The following KPNA4 variants were observed in gnomAD, a reference collection of about 807,000 sequenced individuals.
The protein encoded by KPNA4 is importin subunit alpha-3.
In KPNA4, 13 loss-of-function variants were observed where a neutral mutation model predicts 71.3. The observed-to-expected ratio is 0.18, with a 90% CI of 0.12 to 0.29. The LOEUF (loss-of-function observed/expected upper bound fraction) is 0.29, where lower values mean the gene tolerates loss of function less well. Among genes scored for constraint, KPNA4 ranks in the 10% least tolerant of loss-of-function variants. The pLI is 1.00. For synonymous variants in KPNA4, 189 were observed against 195.2 expected (o/e 0.97, Z 0.26); for missense variants, 334 against 603.2 (o/e 0.55, Z 4.67).
In KPNA4 at chr3:160,502,176, T is replaced by G; in HGVS notation, c.1494A>C (p.Pro498=). The change falls in exon 17 of 17, where the codon CCA becomes CCC. Residue 498 remains proline, a synonymous_variant. Coordinates refer to ENST00000334256, the MANE Select transcript of KPNA4 (RefSeq NM_002268.5). ...CAAATGTTCCGCCTTGAATTGCCTC[T>G]GGAACAAGGCTAGGGTCTTCATCAA... ...DDIDEDPSLV[P]EAIQGGTFGF... 6.3e-7 allele frequency: 1 copy of G among 1,594,830 alleles called. No individual in the cohort carries two copies. The highest frequency in any genetic ancestry group is 1.1e-5 in the South Asian group (1 of 88,830).
intron 1 of KPNA4, among the ~76,000 whole-genome samples, chr3:160,545,922 G>A (rs543881709): frequency 1.2e-4 from 18 of 152,256 alleles, no homozygotes; most frequent in Admixed American, 3.9e-4. Flanking sequence ...CTGAAGGATG[G>A]AACTGCCATT....
intron 1 of KPNA4, among the ~76,000 whole-genome samples, chr3:160,545,994 T>C (rs1721897744): frequency 6.6e-6 from 1 of 152,176 alleles, no homozygotes; most frequent in Admixed American, 6.5e-5. Context: ...CTTTTAGATC[T>C]AAGTTTAAGG....
At position 160,527,404 on chromosome 3, in the gene KPNA4, G is replaced by T. The variant is rs535714375; in HGVS notation, c.556+549C>A. Reference sequence around the variant, plus strand: ...AATCACAGTGTTAAATATTTAACCAGACTGTCAAAAGGCTATGGTTATGTC... The same window carrying T: ...AATCACAGTGTTAAATATTTAACCATACTGTCAAAAGGCTATGGTTATGTC... On this transcript the variant is annotated intron_variant, in intron 8 of 16. Transcript: ENST00000334256. Among the ~76,000 whole-genome samples, 5 of 152,242 alleles carry T rather than the reference G, an allele frequency of 3.3e-5. No homozygotes were observed. The East Asian group carries it at 7.7e-4, about 23-fold the overall frequency.
Position 160,498,121 on chromosome 3 carries a change from G to C in KPNA4, c.*3983C>G, listed in dbSNP as rs933530891. The C allele has an allele frequency of 6.6e-6, 1 of 152,156 alleles. No homozygotes were observed. Among genetic ancestry groups the C allele is most frequent in the African/African-American group, 2.4e-5 (1 of 41,426 alleles). 9.4% of individuals were successfully genotyped at this position (152,156 alleles called of 1,614,324 possible). A position where few individuals can be genotyped will look rare whatever the true frequency, so the allele number is the denominator to read the frequency against. Reference sequence around the variant, plus strand: ...TTAGTAGCTGTGTGACCTTGGGCAAGTCACCTCAACAACTCATCATCTAAA... The same window carrying C: ...TTAGTAGCTGTGTGACCTTGGGCAACTCACCTCAACAACTCATCATCTAAA... On this transcript the variant is annotated 3_prime_UTR_variant, in exon 17 of 17. Transcript: ENST00000334256.
Position 160,565,546 on chromosome 3 carries a change from C to T in KPNA4, c.-264G>A, listed in dbSNP as rs760874799. 5.6e-6 allele frequency: 3 copies of T among 532,598 alleles called. No homozygotes were observed. In the East Asian group the frequency reaches 1.0e-4, roughly 18 times the overall value. The allele number at this position is 532,598 out of a possible 1,614,324, so 33.0% of individuals were successfully genotyped here. A position where few individuals can be genotyped will look rare whatever the true frequency, so the allele number is the denominator to read the frequency against. On this transcript the variant is annotated 5_prime_UTR_variant, in exon 1 of 17. Coordinates refer to ENST00000334256, the MANE Select transcript of KPNA4 (RefSeq NM_002268.5). ...GCAAGGCGACGGAATGTGCTGCCGG[C>T]TGAGAGGGGGAGGCAGCCTCGATCT...
intron 1 of KPNA4, among the ~76,000 whole-genome samples, chr3:160,543,110 C>T (rs1473643755): frequency 6.6e-6 from 1 of 152,076 alleles, no homozygotes; most frequent in East Asian, 1.9e-4. Flanking sequence ...TCTCTATATT[C>T]TTCTATCTTT....
At chr3:160,542,467 TA>T (rs1266734893) in intron 1 of KPNA4, among the ~76,000 whole-genome samples, 5 of 152,134 alleles carry the variant, frequency 3.3e-5, no homozygotes, top group African/African-American at 1.2e-4. Flanking sequence ...ATTATGACAA[TA>T]AAAGGGAAAG....
At chr3:160,554,863 C>T (rs1335693550) in intron 1 of KPNA4, among the ~76,000 whole-genome samples, 1 of 152,156 alleles carries the variant, frequency 6.6e-6, no homozygotes, top group East Asian at 1.9e-4. Context: ...CATCTGTATC[C>T]TTTGTAATAT....
At chr3:160,514,995 C>T (rs762196906) in intron 12 of KPNA4, 1 of 519,212 alleles carries the variant, frequency 1.9e-6, no homozygotes, top group Non-Finnish European at 3.8e-6. Flanking sequence ...GGGTTATAAT[C>T]ATTGGCAATG....
At chr3:160,520,346 G>T (rs889313879) in intron 11 of KPNA4, among the ~76,000 whole-genome samples, 2 of 151,754 alleles carry the variant, frequency 1.3e-5, no homozygotes, top group African/African-American at 4.8e-5. Context: ...CTGCCTCCTG[G>T]GTTCAAGTGA....
At chr3:160,529,765 T>C (rs982481608) in intron 7 of KPNA4, among the ~76,000 whole-genome samples, 10 of 151,746 alleles carry the variant, frequency 6.6e-5, no homozygotes, top group Non-Finnish European at 7.4e-5. Flanking sequence ...AGCAATCCTA[T>C]TATAATAACA....
At chr3:160,544,957 G>C (rs1393151364) in intron 1 of KPNA4, among the ~76,000 whole-genome samples, 2 of 152,166 alleles carry the variant, frequency 1.3e-5, no homozygotes, top group Non-Finnish European at 2.9e-5. Flanking sequence ...TTTGTAACTG[G>C]AGAGAATAGA....
intron 1 of KPNA4, among the ~76,000 whole-genome samples, chr3:160,557,654 T>C (rs914254056): frequency 6.6e-6 from 1 of 152,080 alleles, no homozygotes; most frequent in South Asian, 2.1e-4. Flanking sequence ...TAAACAGTAA[T>C]AGAAAATAAG....
At chr3:160,533,000 A>G (rs1395115806) in intron 5 of KPNA4, among the ~76,000 whole-genome samples, 1 of 152,222 alleles carries the variant, frequency 6.6e-6, no homozygotes, top group Non-Finnish European at 1.5e-5. Context: ...GGATTTATAC[A>G]GCATAGCCCT....
At position 160,495,396 on chromosome 3, in the gene KPNA4, A is replaced by G. The variant is rs1720736220; in HGVS notation, c.*6708T>C. On this transcript the variant is annotated 3_prime_UTR_variant, in exon 17 of 17. Coordinates refer to ENST00000334256, the MANE Select transcript of KPNA4 (RefSeq NM_002268.5). ...CCCTGCAGCTGAGAATTGCAAAAAGAAAACAGGGATAGAGATAATGGGTAA... is the reference window on the plus strand; with the variant it reads ...CCCTGCAGCTGAGAATTGCAAAAAGGAAACAGGGATAGAGATAATGGGTAA... The G allele has an allele frequency of 6.6e-6, 1 of 152,176 alleles. No individual in the cohort carries two copies. Among genetic ancestry groups the G allele is most frequent in the South Asian group, 2.1e-4 (1 of 4,834 alleles). The allele number at this position is 152,176 out of a possible 1,614,324, so 9.4% of individuals were successfully genotyped here.
At chr3:160,522,710 G>A (rs149602396) in intron 10 of KPNA4, among the ~76,000 whole-genome samples, 7,012 of 152,058 alleles carry the variant, frequency 0.046, 202 homozygotes, top group Non-Finnish European at 0.07. Context: ...CGCCCGCCTC[G>A]GCCTCCCAAA....
intron 1 of KPNA4, among the ~76,000 whole-genome samples, chr3:160,546,657 A>G (rs375851323): frequency 1.3e-5 from 2 of 152,330 alleles, no homozygotes; most frequent in Admixed American, 6.5e-5. Flanking sequence ...TTATAAACTA[A>G]TATGGTTAAT....
At chr3:160,506,878 A>T (rs931937605) in intron 15 of KPNA4, among the ~76,000 whole-genome samples, 6 of 152,156 alleles carry the variant, frequency 3.9e-5, no homozygotes, top group Non-Finnish European at 8.8e-5. Flanking sequence ...AACTTTAAAT[A>T]TATCTATTTC....
At chr3:160,531,795 C>T (rs1721580158) in intron 5 of KPNA4, among the ~76,000 whole-genome samples, 1 of 151,914 alleles carries the variant, frequency 6.6e-6, no homozygotes, top group African/African-American at 2.4e-5. Context: ...AACCACTTTA[C>T]TACCTTTTTT....
Sources: gnomAD v4.1 joint callset for allele counts (sites outside exome capture counted in the v4.1 genomes callset) on GRCh38, gnomAD v4.1.1 for gene constraint, MANE v1.5 for transcripts, NCBI Gene and HGNC (gene_info 2026-07-23, HGNC 2026-07-21) for gene names.